Variants in OR3A2 observed in about 807,000 individuals in gnomAD.
The protein encoded by OR3A2 is olfactory receptor 3A2.
For missense variants in OR3A2, 318 were observed against 392.8 expected (o/e 0.81, Z 1.61); for synonymous variants, 126 against 159.3 (o/e 0.79, Z 1.57).
chr17:3,316,404 C>T (rs1567552176), intron 3 of OR3A2, among the ~76,000 whole-genome samples: 3 of 152,196 alleles, frequency 2.0e-5, no homozygotes, highest in African/African-American at 7.2e-5. Flanking sequence ...CATATGTCTA[C>T]TTGGAGATGA....
At chr17:3,374,408 T>G (rs1191040966) in intron 2 of OR3A2, among the ~76,000 whole-genome samples, 2 of 152,226 alleles carry the variant, frequency 1.3e-5, no homozygotes, top group East Asian at 3.8e-4. Context: ...ACTTTTAGAT[T>G]TCAGTTCTTT....
upstream of OR3A2, among the ~76,000 whole-genome samples, chr17:3,286,921 A>C (rs2150619226): frequency 6.6e-6 from 1 of 152,274 alleles, no homozygotes; most frequent in Admixed American, 6.5e-5. Flanking sequence ...CTCTTTCATT[A>C]GATCCCATTT....
intron 2 of OR3A2, among the ~76,000 whole-genome samples, chr17:3,343,339 C>T (rs539293168): frequency 2.9e-4 from 44 of 152,282 alleles, no homozygotes; most frequent in African/African-American, 9.6e-4. Context: ...TCTTCTGTGT[C>T]GATCATGCTG....
chr17:3,311,577 C>A lies in OR3A2; in HGVS notation c.-85+24456G>T. 2.4e-6 allele frequency: 1 copy of A among 416,754 alleles called. No homozygotes were observed. Among genetic ancestry groups the A allele is most frequent in the South Asian group, 2.0e-5 (1 of 51,126 alleles). The allele number at this position is 416,754 out of a possible 1,614,324, so 25.8% of individuals were successfully genotyped here. ...AGCTCTCTTGCTCCAGCATCCACCT[C>A]AATGGGCAGCTGCTGCTTGTGGGGG... is the stretch of plus-strand genomic sequence containing the variant. On this transcript the variant is annotated intron_variant, in intron 3 of 4. Transcript: ENST00000573491. The surrounding 1 kb of genome is among the most constrained non-coding windows in gnomAD (Gnocchi z 4.6).
chr17:3,346,908 T>C (rs992949824), intron 2 of OR3A2, among the ~76,000 whole-genome samples: 6 of 152,252 alleles, frequency 3.9e-5, no homozygotes, highest in African/African-American at 7.2e-5. Flanking sequence ...ATTGTGTATA[T>C]GCACCACATT....
intron 2 of OR3A2, among the ~76,000 whole-genome samples, chr17:3,360,370 C>T (rs959861210): frequency 6.6e-6 from 1 of 151,634 alleles, no homozygotes; most frequent in Non-Finnish European, 1.5e-5. Context: ...TGTAGGTTGC[C>T]TGTTCACCCT....
At chr17:3,353,739 C>G (rs1395033444) in intron 2 of OR3A2, among the ~76,000 whole-genome samples, 1 of 151,650 alleles carries the variant, frequency 6.6e-6, no homozygotes. Context: ...TGTTTTGATA[C>G]AGGCGTGCAA....
intron 2 of OR3A2, among the ~76,000 whole-genome samples, chr17:3,371,722 C>A (rs560734694): frequency 7.4e-6 from 1 of 134,934 alleles, no homozygotes; most frequent in Non-Finnish European, 1.6e-5. Flanking sequence ...CCCTCCCGGA[C>A]GGGGCAGCTG....
rs908125547 is a variant in OR3A2, at chr17:3,326,543, CT to C, written c.-85+9489del. Among the ~76,000 whole-genome samples the C allele has an allele frequency of 1.8e-3, 258 of 144,040 alleles. 2 individuals are homozygous for C. The highest frequency in any genetic ancestry group is 2.5e-3 in the Non-Finnish European group (165 of 66,268). 94.5% of individuals were successfully genotyped at this position (144,040 alleles called of 152,430 possible). A position where few individuals can be genotyped will look rare whatever the true frequency, so the allele number is the denominator to read the frequency against. ...TACTTTTATAATTTCTTATGCCTGTCTTTTTTTTTTCTTCTTTTTTTTATTA... is the reference window on the plus strand; with the variant it reads ...TACTTTTATAATTTCTTATGCCTGTCTTTTTTTTTCTTCTTTTTTTTATTA... On this transcript the variant is annotated intron_variant, in intron 3 of 4. Coordinates refer to the OR3A2 transcript ENST00000573491.
intron 3 of OR3A2, among the ~76,000 whole-genome samples, chr17:3,296,987 G>A (rs1488343613): frequency 1.3e-5 from 2 of 152,186 alleles, no homozygotes; most frequent in African/African-American, 2.4e-5. Context: ...TTCACTCTCT[G>A]CTCCCTCAGC....
chr17:3,308,586 G>T (rs2049016115), intron 3 of OR3A2, among the ~76,000 whole-genome samples: 1 of 152,152 alleles, frequency 6.6e-6, no homozygotes, highest in African/African-American at 2.4e-5. Context: ...TCACGGGGAG[G>T]ATGGCAATGC....
intron 2 of OR3A2, among the ~76,000 whole-genome samples, chr17:3,344,384 C>T (rs571225604): frequency 3.3e-5 from 5 of 152,234 alleles, no homozygotes; most frequent in African/African-American, 9.6e-5. Context: ...CAACCACAAA[C>T]AAGATAGCCT....
At chr17:3,310,617 G>T (rs9903671) in intron 3 of OR3A2, 1 of 540,186 alleles carries the variant, frequency 1.9e-6, no homozygotes, top group African/African-American at 1.9e-5. Context: ...CTGCCTCTCC[G>T]AGCTCTTCTT....
chr17:3,277,996 A>G, exon 2 of OR3A2: 3 of 1,599,762 alleles, frequency 1.9e-6, no homozygotes, highest in Non-Finnish European at 2.6e-6. Context: ...CTCCCCAAAA[A>G]TATTTGCCAC....
At chr17:3,385,130 G>C (rs1224419568) in intron 1 of OR3A2, among the ~76,000 whole-genome samples, 1 of 152,196 alleles carries the variant, frequency 6.6e-6, no homozygotes, top group Non-Finnish European at 1.5e-5. Context: ...GGAGGCAGAG[G>C]TTGCGGTGAG....
At chr17:3,322,635 T>C (rs1034390554) in intron 3 of OR3A2, among the ~76,000 whole-genome samples, 1 of 152,228 alleles carries the variant, frequency 6.6e-6, no homozygotes, top group African/African-American at 2.4e-5. Context: ...ATGTACCCAG[T>C]AGTCATTCAG....
intron 2 of OR3A2, among the ~76,000 whole-genome samples, chr17:3,352,718 C>T (rs1465754388): frequency 2.6e-5 from 4 of 151,832 alleles, no homozygotes; most frequent in South Asian, 4.2e-4. Flanking sequence ...TTCAGGATAG[C>T]TTTGGCTAAT....
chr17:3,326,569 A>G (rs902408670), intron 3 of OR3A2, among the ~76,000 whole-genome samples: 1 of 148,738 alleles, frequency 6.7e-6, no homozygotes, highest in Admixed American at 6.7e-5. Flanking sequence ...TTTTTTTATT[A>G]TACTTTAAGT....
intron 3 of OR3A2, chr17:3,291,750 C>A: frequency 6.2e-7 from 1 of 1,613,758 alleles, no homozygotes; most frequent in South Asian, 1.1e-5. Context: ...GTTGAAAATT[C>A]CAACAGCTTT....
Sources: gnomAD v4.1 joint callset for allele counts (sites outside exome capture counted in the v4.1 genomes callset) on GRCh38, gnomAD v4.1.1 for gene constraint, Gnocchi (gnomAD v3.1) non-coding constraint, MANE v1.5 for transcripts, NCBI Gene and HGNC (gene_info 2026-07-23, HGNC 2026-07-21) for gene names.